Variants in NRG3 observed in about 807,000 individuals in gnomAD.
The protein encoded by NRG3 is neuregulin 3, also known as pro-neuregulin-3, membrane-bound isoform.
NRG3 carries 31 observed loss-of-function variants against 66.9 expected under a neutral mutation model. The observed-to-expected ratio is 0.46, with a 90% CI of 0.35 to 0.63. The LOEUF (loss-of-function observed/expected upper bound fraction) is 0.63. NRG3 is among the 20% of genes least tolerant of loss of function. The probability of loss-of-function intolerance (pLI) is 0.00; values close to 1 mark genes in which losing one functional copy is unlikely to be tolerated. For missense variants in NRG3, 910 were observed against 878.9 expected (o/e 1.04, Z -0.45); for synonymous variants, 393 against 359.4 (o/e 1.09, Z -1.06).
At chr10:81,964,046 AGT>A (rs1362121226) in intron 1 of NRG3, among the ~76,000 whole-genome samples, 1 of 152,194 alleles carries the variant, frequency 6.6e-6, no homozygotes, top group Non-Finnish European at 1.5e-5. Flanking sequence ...AAATAAAATA[AGT>A]GTTCACATTA....
intron 2 of NRG3, among the ~76,000 whole-genome samples, chr10:82,654,392 T>C (rs2051681483): frequency 6.6e-6 from 1 of 152,232 alleles, no homozygotes; most frequent in Non-Finnish European, 1.5e-5. Flanking sequence ...TGAGCAGGAA[T>C]ATAAACCTTG....
chr10:82,387,649 A>G (rs148582835), intron 2 of NRG3, among the ~76,000 whole-genome samples: 5 of 152,356 alleles, frequency 3.3e-5, no homozygotes, highest in Non-Finnish European at 7.3e-5. Context: ...GGAATGTGAC[A>G]GTTAATTCTA....
intron 4 of NRG3, among the ~76,000 whole-genome samples, chr10:82,914,080 C>A (rs1420390186): frequency 6.6e-6 from 1 of 151,866 alleles, no homozygotes; most frequent in Non-Finnish European, 1.5e-5. Context: ...GTTAAATCCA[C>A]TGATGATCAT....
At chr10:82,215,679 A>ACACC (rs2075629084) in intron 1 of NRG3, among the ~76,000 whole-genome samples, 1 of 148,164 alleles carries the variant, frequency 6.7e-6, no homozygotes, top group African/African-American at 2.5e-5. Context: ...TGTATCACAC[A>ACACC]GGCAGACTTC....
chr10:82,307,732 C>T (rs1263440025), intron 1 of NRG3, among the ~76,000 whole-genome samples: 1 of 150,224 alleles, frequency 6.7e-6, no homozygotes, highest in Non-Finnish European at 1.5e-5. Flanking sequence ...TTGCCATGGG[C>T]CATTTTTCCC....
At chr10:82,966,223 T>C (rs1466785348) in intron 6 of NRG3, among the ~76,000 whole-genome samples, 1 of 152,214 alleles carries the variant, frequency 6.6e-6, no homozygotes, top group Non-Finnish European at 1.5e-5. Context: ...GTTCACCTGA[T>C]TGCTGCCTGT....
intron 4 of NRG3, among the ~76,000 whole-genome samples, chr10:82,915,842 A>G (rs1845778607): frequency 6.6e-6 from 1 of 152,178 alleles, no homozygotes; most frequent in African/African-American, 2.4e-5. Context: ...GAATATATAC[A>G]TGCATTTTCA....
chr10:82,938,827 A>G (rs1290132106), intron 4 of NRG3, among the ~76,000 whole-genome samples: 2 of 152,242 alleles, frequency 1.3e-5, no homozygotes, highest in African/African-American at 4.8e-5. Flanking sequence ...TATTGTTCCA[A>G]GTCACATGTC....
chr10:82,727,423 C>G (rs1432197636), intron 2 of NRG3, among the ~76,000 whole-genome samples: 1 of 152,176 alleles, frequency 6.6e-6, no homozygotes, highest in Non-Finnish European at 1.5e-5. Flanking sequence ...CCAGCCATGA[C>G]TAAAAGGGGC....
chr10:82,976,086 C>T (rs1449178727), intron 7 of NRG3, among the ~76,000 whole-genome samples: 3 of 152,000 alleles, frequency 2.0e-5, no homozygotes, highest in African/African-American at 4.8e-5. Context: ...GATAGAGTCT[C>T]GCTCTGTCAC....
chr10:82,900,519 A>G (rs544115503), intron 4 of NRG3, among the ~76,000 whole-genome samples: 9 of 152,324 alleles, frequency 5.9e-5, no homozygotes, highest in East Asian at 1.9e-4. Flanking sequence ...TTAAACTAAT[A>G]TAGGTATAGG....
chr10:82,857,944 T>C (rs568865067), intron 3 of NRG3, among the ~76,000 whole-genome samples: 1 of 152,212 alleles, frequency 6.6e-6, no homozygotes, highest in East Asian at 1.9e-4. Context: ...GGACAGACAT[T>C]CTAGGATTGA....
chr10:82,957,407 C>G (rs185203818), intron 5 of NRG3, among the ~76,000 whole-genome samples: 31 of 150,362 alleles, frequency 2.1e-4, no homozygotes, highest in Admixed American at 1.4e-3. Flanking sequence ...CCACTGACGG[C>G]ACTATCTTTG....
At chr10:82,005,524 A>T (rs922130845) in intron 1 of NRG3, among the ~76,000 whole-genome samples, 2 of 152,206 alleles carry the variant, frequency 1.3e-5, no homozygotes, top group Non-Finnish European at 2.9e-5. Flanking sequence ...TTCTGTAAAC[A>T]TGCACCAAGG....
intron 1 of NRG3, among the ~76,000 whole-genome samples, chr10:81,987,124 G>T (rs1441231324): frequency 6.6e-6 from 1 of 151,408 alleles, no homozygotes; most frequent in Non-Finnish European, 1.5e-5. Context: ...GCTAGCTCTT[G>T]TTGCCTAGGC....
At chr10:82,022,204 G>A (rs1372271818) in intron 1 of NRG3, among the ~76,000 whole-genome samples, 1 of 152,080 alleles carries the variant, frequency 6.6e-6, no homozygotes, top group Non-Finnish European at 1.5e-5. Flanking sequence ...TGGAGAGACT[G>A]TAGGTAGGCA....
intron 2 of NRG3, among the ~76,000 whole-genome samples, chr10:82,659,992 T>C (rs1186788623): frequency 6.6e-6 from 1 of 151,418 alleles, no homozygotes; most frequent in African/African-American, 2.4e-5. Context: ...GGTCAGGAGT[T>C]CAAGACCAGC....
chr10:82,971,525 C>T (rs1851736320), intron 6 of NRG3, among the ~76,000 whole-genome samples: 1 of 150,462 alleles, frequency 6.6e-6, no homozygotes, highest in African/African-American at 2.4e-5. Context: ...CAACCTCAAT[C>T]TCCCGGGTTC....
chr10:82,603,574 A>T (rs948615215), intron 2 of NRG3, among the ~76,000 whole-genome samples: 3 of 152,154 alleles, frequency 2.0e-5, no homozygotes, highest in African/African-American at 7.2e-5. Flanking sequence ...CCTTTTACTT[A>T]TGACCACCCA....
Sources: gnomAD v4.1 joint callset for allele counts (sites outside exome capture counted in the v4.1 genomes callset) on GRCh38, gnomAD v4.1.1 for gene constraint, MANE v1.5 for transcripts, NCBI Gene and HGNC (gene_info 2026-07-23, HGNC 2026-07-21) for gene names.